PIKFYVE: variants seen among roughly 807,000 people sequenced by gnomAD.
PIKFYVE encodes 1-phosphatidylinositol 3-phosphate 5-kinase.
Under a neutral mutation model 257.9 loss-of-function variants are expected in PIKFYVE, and 122 were observed. That is an observed-to-expected ratio of 0.47 (90% CI 0.41 to 0.55). The LOEUF (loss-of-function observed/expected upper bound fraction) is 0.55. Among genes scored for constraint, PIKFYVE ranks in the 20% least tolerant of loss-of-function variants. The pLI, the probability that PIKFYVE is intolerant of heterozygous loss-of-function variation, is 0.00. For missense variants in PIKFYVE, 2,160 were observed against 2,536.6 expected (o/e 0.85, Z 3.19); for synonymous variants, 892 against 868.9 (o/e 1.03, Z -0.47).
intron 7 of PIKFYVE, 21 bp from the exon 8 acceptor site, chr2:208,298,620 A>T (rs1304324350): frequency 3.7e-6 from 6 of 1,613,396 alleles, no homozygotes; most frequent in Non-Finnish European, 5.1e-6. Flanking sequence ...CTGTGATTTC[A>T]CTTCTTGTTT....
intron 12 of PIKFYVE, chr2:208,305,386 C>G (rs1694198575): frequency 9.0e-7 from 1 of 1,111,126 alleles, no homozygotes; most frequent in African/African-American, 1.6e-5. Flanking sequence ...GCCTATTTGC[C>G]TTTGCCGTTA....
intron 35 of PIKFYVE, 120 bp downstream of exon 35, chr2:208,348,143 G>C: frequency 7.9e-7 from 1 of 1,268,968 alleles, no homozygotes; most frequent in East Asian, 2.4e-5. Context: ...CATTCCCTCT[G>C]TTCTCACTTG....
intron 16 of PIKFYVE, among the ~76,000 whole-genome samples, chr2:208,318,856 C>T (rs148740718): frequency 2.0e-5 from 3 of 146,910 alleles, no homozygotes; most frequent in African/African-American, 5.0e-5. Context: ...GAGGCTGAGG[C>T]AGAAGAATCT....
At position 208,325,655 on chromosome 2, in the gene PIKFYVE, G is replaced by A. The variant is rs560083168; in HGVS notation, c.2844G>A (p.Gln948=). 2 of 1,614,116 alleles carry A rather than the reference G, an allele frequency of 1.2e-6. No homozygotes were observed. The highest frequency in any genetic ancestry group is 2.2e-5 in the East Asian group (1 of 44,856). The stretch of plus-strand genomic sequence containing the variant: ...AGCAGGAAAATAAAAATCTTCCGCA[G>A]GCTGTTGCCTCTGTGAAGCATCAAG... The part of the protein sequence containing the change: ...KGEQENKNLP[Q]AVASVKHQEH... The change falls in exon 20 of 42, where the codon CAG becomes CAA. Residue 948 remains glutamine (Q), a synonymous_variant. Transcript: ENST00000264380.
rs746042089 is a variant in PIKFYVE, at chr2:208,325,490, T to C, written c.2679T>C (p.Ile893=). The part of the protein sequence containing the change: ...LMQNPSFHSL[I]EGRGHEGAVQ... ...AAAACCCTTCATTCCATTCCCTGATTGAGGGACGAGGGCATGAGGGGGCTG... is the reference window on the plus strand; with the variant it reads ...AAAACCCTTCATTCCATTCCCTGATCGAGGGACGAGGGCATGAGGGGGCTG... Residue 893 remains isoleucine, a synonymous_variant, in exon 20 of 42, where the codon ATT becomes ATC. Coordinates refer to ENST00000264380, the MANE Select transcript of PIKFYVE (RefSeq NM_015040.4). 1 of 1,614,036 alleles carries C rather than the reference T, an allele frequency of 6.2e-7. No homozygotes were observed. Among genetic ancestry groups the C allele is most frequent in the African/African-American group, 1.3e-5 (1 of 74,918 alleles).
chr2:208,271,843 A>C, intron 2 of PIKFYVE, 152 bp downstream of exon 2: 2 of 753,264 alleles, frequency 2.7e-6, no homozygotes, highest in Non-Finnish European at 4.3e-6. Context: ...AACAAGCGAT[A>C]GCTTTAATCG....
At chr2:208,345,269 A>G (rs1699124925) in intron 33 of PIKFYVE, 75 bp downstream of exon 33, 1 of 1,263,866 alleles carries the variant, frequency 7.9e-7, no homozygotes, top group Non-Finnish European at 1.1e-6. Context: ...CTTCAGTTTT[A>G]TTACAGCATT....
At chr2:208,316,872 A>G (rs1695588119) in intron 15 of PIKFYVE, among the ~76,000 whole-genome samples, 1 of 152,232 alleles carries the variant, frequency 6.6e-6, no homozygotes, top group Non-Finnish European at 1.5e-5. Flanking sequence ...GAGAAAAACA[A>G]GCAATGGGGA....
At chr2:208,306,134 A>T (rs1006871937) in intron 12 of PIKFYVE, among the ~76,000 whole-genome samples, 1 of 152,250 alleles carries the variant, frequency 6.6e-6, no homozygotes, top group Non-Finnish European at 1.5e-5. Context: ...ATGGTACTGA[A>T]GAGTTATAGT....
At chr2:208,330,735 T>A in intron 23 of PIKFYVE, 41 bp downstream of exon 23, 1 of 1,561,770 alleles carries the variant, frequency 6.4e-7, no homozygotes, top group Non-Finnish European at 8.6e-7. Context: ...GCCATTTATT[T>A]CTTTATTTGT....
chr2:208,318,004 T>C (rs1695747331), intron 16 of PIKFYVE, 63 bp downstream of exon 16: 1 of 1,461,966 alleles, frequency 6.8e-7, no homozygotes, highest in Non-Finnish European at 9.6e-7. Flanking sequence ...AGGTAACAAG[T>C]TGGGGCACCT....
chr2:208,350,827 C>G lies in PIKFYVE; in HGVS notation c.5491C>G (p.His1831Asp), dbSNP rs1376579093. The change falls in exon 37 of 42, where the codon CAT (histidine) becomes GAT (aspartate). Residue 1831 changes from histidine to aspartate, a missense_variant. By Grantham distance (81) the His-to-Asp change is moderately conservative. This residue lies in a region of PIKFYVE where 699 missense variants were observed against 855.8 expected (regional missense o/e 0.82). Transcript: ENST00000264380. ...YCRLYYAGEF[H>D]KMREVILDSS... ...TCGGCTCTACTATGCGGGAGAGTTT[C>G]ATAAGATGCGTGAAGTGATTCTGGA... 6.2e-7 allele frequency: 1 copy of G among 1,614,022 alleles called. No homozygotes were observed. Among genetic ancestry groups the G allele is most frequent in the African/African-American group, 1.3e-5 (1 of 74,914 alleles).
At chr2:208,317,728 GTAT>G (rs1046417022) in intron 15 of PIKFYVE, 136 bp from the exon 16 acceptor site, 57 of 770,402 alleles carry the variant, frequency 7.4e-5, no homozygotes, top group South Asian at 1.5e-5. Context: ...TTGAAAGGAA[GTAT>G]TATTTCCTGA....
chr2:208,282,011 T>A (rs1446320), intron 5 of PIKFYVE, among the ~76,000 whole-genome samples: 146,229 of 152,328 alleles, frequency 0.96, 70,340 homozygotes, highest in East Asian at 1. Context: ...TCCCTAAGGT[T>A]ATCCATTTCT....
chr2:208,295,620 T>C (rs1692868664), intron 7 of PIKFYVE, among the ~76,000 whole-genome samples: 1 of 152,212 alleles, frequency 6.6e-6, no homozygotes, highest in South Asian at 2.1e-4. Flanking sequence ...CTGTGGAGTT[T>C]TGGGGCAGTA....
chr2:208,341,516 A>T (rs149519088), intron 31 of PIKFYVE, among the ~76,000 whole-genome samples: 2 of 152,090 alleles, frequency 1.3e-5, no homozygotes, highest in Non-Finnish European at 2.9e-5. Context: ...CTGATGAATT[A>T]CCATAGACTG....
In PIKFYVE at chr2:208,305,152, C is replaced by T. The variant is rs575628417; in HGVS notation, c.1636+139C>T. 201 of 1,541,936 alleles carry T rather than the reference C, an allele frequency of 1.3e-4. No homozygotes were observed. The African/African-American group carries it at 2.2e-3, about 17-fold the overall frequency. Reference sequence around the variant, plus strand: ...GTGTGGGTTTTGTTCTACCCTTTCTCATTTCTCCCACACCTCCTCCCCATA... The same window carrying T: ...GTGTGGGTTTTGTTCTACCCTTTCTTATTTCTCCCACACCTCCTCCCCATA... On this transcript the variant is annotated intron_variant, in intron 12 of 41. Coordinates refer to ENST00000264380, the MANE Select transcript of PIKFYVE (RefSeq NM_015040.4).
intron 5 of PIKFYVE, among the ~76,000 whole-genome samples, chr2:208,283,485 G>A (rs1310155418): frequency 6.6e-6 from 1 of 152,150 alleles, no homozygotes; most frequent in African/African-American, 2.4e-5. Flanking sequence ...ATAGCTGACT[G>A]GTTAGGCGAG....
In PIKFYVE at chr2:208,347,840, T is replaced by C. The variant is rs773516478; in HGVS notation, c.5210-19T>C. 6.3e-5 allele frequency: 101 copies of C among 1,596,320 alleles called. No homozygotes were observed. Among genetic ancestry groups the C allele is most frequent in the African/African-American group, 1.3e-5 (1 of 74,708 alleles). On this transcript the variant is annotated intron_variant, in intron 34 of 41. Transcript: ENST00000264380. ...TAGTGACCTGTACTTAAAATTAATATGTTACTTCTTATTTTTAGCCAAAAA... is the reference window on the plus strand; with the variant it reads ...TAGTGACCTGTACTTAAAATTAATACGTTACTTCTTATTTTTAGCCAAAAA...
Sources: gnomAD v4.1 joint callset for allele counts (sites outside exome capture counted in the v4.1 genomes callset) on GRCh38, gnomAD v4.1.1 for gene constraint, gnomAD v4.1.1 regional missense constraint, MANE v1.5 for transcripts, NCBI Gene and HGNC (gene_info 2026-07-23, HGNC 2026-07-21) for gene names.